CCSER1: variants seen among roughly 807,000 people sequenced by gnomAD.
CCSER1 encodes serine-rich coiled-coil domain-containing protein 1.
A neutral mutation model predicts 82.0 loss-of-function variants in CCSER1; 41 were observed. That is an observed-to-expected ratio of 0.50 (90% CI 0.39 to 0.65). The LOEUF (loss-of-function observed/expected upper bound fraction) is 0.65. CCSER1 is among the 30% of genes least tolerant of loss of function. The probability of loss-of-function intolerance (pLI) is 0.00; values close to 1 mark genes in which losing one functional copy is unlikely to be tolerated. For synonymous variants in CCSER1, 414 were observed against 383.9 expected (o/e 1.08, Z -0.92); for missense variants, 1,119 against 1,064.2 (o/e 1.05, Z -0.72).
chr4:90,349,223 T>C (rs142771563), intron 3 of CCSER1, among the ~76,000 whole-genome samples: 298 of 152,288 alleles, frequency 2.0e-3, no homozygotes, highest in African/African-American at 6.7e-3. Context: ...GAAATTATTT[T>C]TTAAATCATA....
chr4:91,595,990 G>A (rs148966162), intron 10 of CCSER1, among the ~76,000 whole-genome samples: 91 of 126,610 alleles, frequency 7.2e-4, no homozygotes, highest in African/African-American at 2.5e-3. Context: ...AAACTAACAT[G>A]TCAAAAACAA....
intron 3 of CCSER1, among the ~76,000 whole-genome samples, chr4:90,350,117 A>C (rs890397907): frequency 1.3e-5 from 2 of 152,178 alleles, no homozygotes; most frequent in Non-Finnish European, 2.9e-5. Flanking sequence ...ATAAGTCATG[A>C]ACAAGTAAGT....
chr4:91,034,145 T>A (rs1741231711), intron 9 of CCSER1, among the ~76,000 whole-genome samples: 4 of 152,172 alleles, frequency 2.6e-5, no homozygotes, highest in Admixed American at 2.6e-4. Context: ...TCTGCAGAAT[T>A]TCTGAAGCAA....
chr4:91,097,305 A>G (rs1724606459), intron 10 of CCSER1, among the ~76,000 whole-genome samples: 1 of 150,460 alleles, frequency 6.6e-6, no homozygotes, highest in African/African-American at 2.4e-5. Context: ...TATGAAAGAC[A>G]CTGGCTATTG....
At chr4:91,542,997 C>A (rs987049421) in intron 10 of CCSER1, among the ~76,000 whole-genome samples, 1 of 152,160 alleles carries the variant, frequency 6.6e-6, no homozygotes, top group Non-Finnish European at 1.5e-5. Context: ...GTATTGGATG[C>A]ATATATATTT....
At chr4:90,346,035 T>C (rs1381260827) in intron 3 of CCSER1, among the ~76,000 whole-genome samples, 2 of 152,040 alleles carry the variant, frequency 1.3e-5, no homozygotes, top group Non-Finnish European at 2.9e-5. Flanking sequence ...TTTATGTAAA[T>C]ACCCTACTTT....
chr4:90,556,852 G>C (rs1174863441), intron 5 of CCSER1, among the ~76,000 whole-genome samples: 2 of 143,440 alleles, frequency 1.4e-5, no homozygotes, highest in Non-Finnish European at 3.1e-5. Context: ...ATATCTATAT[G>C]TGTATATATA....
chr4:90,630,850 G>A (rs957450460), intron 6 of CCSER1, among the ~76,000 whole-genome samples: 6 of 148,746 alleles, frequency 4.0e-5, no homozygotes, highest in East Asian at 3.9e-4. Context: ...ATGCACAATC[G>A]TTCAATCTTT....
intron 1 of CCSER1, among the ~76,000 whole-genome samples, chr4:90,272,019 A>T (rs1218503018): frequency 4.6e-5 from 7 of 151,126 alleles, no homozygotes; most frequent in Non-Finnish European, 8.9e-5. Flanking sequence ...TGAGGAAGGA[A>T]CTGTCAAACA....
intron 10 of CCSER1, among the ~76,000 whole-genome samples, chr4:91,250,528 C>T (rs1472522979): frequency 1.3e-5 from 2 of 151,240 alleles, no homozygotes; most frequent in African/African-American, 4.9e-5. Flanking sequence ...ATTTGGATTC[C>T]CCTAAATTTA....
At chr4:91,411,929 G>T (rs1032654744) in intron 10 of CCSER1, among the ~76,000 whole-genome samples, 1 of 151,988 alleles carries the variant, frequency 6.6e-6, no homozygotes, top group Admixed American at 6.6e-5. Context: ...ATCCAGATGG[G>T]CCCAGTGTAA....
chr4:90,555,695 A>T (rs191001917), intron 5 of CCSER1, among the ~76,000 whole-genome samples: 24 of 152,168 alleles, frequency 1.6e-4, no homozygotes, highest in Admixed American at 9.2e-4. Context: ...TTTAAAGAAA[A>T]TTAGTAGTCT....
chr4:90,459,112 A>T (rs1283819197), intron 4 of CCSER1, among the ~76,000 whole-genome samples: 1 of 152,226 alleles, frequency 6.6e-6, no homozygotes, highest in South Asian at 2.1e-4. Context: ...GTGTACGTAT[A>T]TATAGATACA....
chr4:90,827,982 C>A (rs1461211747), intron 8 of CCSER1, among the ~76,000 whole-genome samples: 5 of 152,028 alleles, frequency 3.3e-5, no homozygotes, highest in African/African-American at 1.2e-4. Flanking sequence ...AATGAATGGG[C>A]CCTCAGAAGA....
chr4:91,005,017 T>A (rs745578718), intron 9 of CCSER1, among the ~76,000 whole-genome samples: 4 of 152,152 alleles, frequency 2.6e-5, no homozygotes, highest in Admixed American at 6.6e-5. Context: ...ATAAAATGAA[T>A]AGGGACAGCA....
chr4:90,843,993 T>C (rs1013808122), intron 8 of CCSER1, among the ~76,000 whole-genome samples: 6 of 152,094 alleles, frequency 3.9e-5, no homozygotes, highest in African/African-American at 1.2e-4. Flanking sequence ...TTCAAGATTT[T>C]GTGTATTTGT....
At chr4:90,303,453 A>T (rs952923962) in intron 1 of CCSER1, among the ~76,000 whole-genome samples, 32 of 152,246 alleles carry the variant, frequency 2.1e-4, no homozygotes, top group Non-Finnish European at 3.5e-4. Flanking sequence ...CAAAACACAG[A>T]TATAGATCAA....
intron 7 of CCSER1, among the ~76,000 whole-genome samples, chr4:90,777,742 G>A (rs148259413): frequency 6.1e-4 from 93 of 151,924 alleles, no homozygotes; most frequent in African/African-American, 2.0e-3. Flanking sequence ...AATTTTCAGC[G>A]TATTGTACAT....
Position 90,223,700 on chromosome 4 carries a change from C to T in CCSER1, c.-41-84544C>T, listed in dbSNP as rs561086129. On this transcript the variant is annotated intron_variant, in intron 1 of 10. Coordinates refer to ENST00000509176, the MANE Select transcript of CCSER1 (RefSeq NM_001145065.2). ...TGTGTTAAATGTATACACTGTTAAT[C>T]CAGTGATTTCAGTGAAATAATTTTG... Among the ~76,000 whole-genome samples the T allele has an allele frequency of 4.6e-5, 7 of 152,158 alleles. No homozygotes were observed. In the South Asian group the frequency reaches 1.5e-3, roughly 32 times the overall value.
Sources: allele counts gnomAD v4.1 joint callset (sites outside exome capture counted in the v4.1 genomes callset), GRCh38; gene constraint gnomAD v4.1.1; transcripts MANE v1.5; gene names NCBI Gene and HGNC (gene_info 2026-07-23, HGNC 2026-07-21).